Variants in PCDHGB7 observed in about 807,000 individuals in gnomAD.
The protein encoded by PCDHGB7 is protocadherin gamma subfamily B, 7.
A neutral mutation model predicts 61.4 loss-of-function variants in PCDHGB7; 37 were observed. The observed-to-expected ratio is 0.60, with a 90% confidence interval of 0.46 to 0.79. The LOEUF (loss-of-function observed/expected upper bound fraction) is 0.79. Ranked by LOEUF, PCDHGB7 falls within the 30% of genes least tolerant of loss-of-function variation. The probability of loss-of-function intolerance (pLI) is 0.00; values close to 1 mark genes in which losing one functional copy is unlikely to be tolerated. For synonymous variants in PCDHGB7, 464 were observed against 503.5 expected, an observed-to-expected ratio of 0.92 and a Z score of 1.05; for missense variants, 1,166 against 1,202.5, an observed-to-expected ratio of 0.97 and a Z score of 0.45.
intron 1 of PCDHGB7, among the ~76,000 whole-genome samples, chr5:141,474,248 A>G (rs2099346089): frequency 6.6e-6 from 1 of 152,220 alleles, no homozygotes; most frequent in African/African-American, 2.4e-5. Context: ...TAGGGGAAAA[A>G]AAGACTGATA....
rs764482722 is a variant in PCDHGB7 at position 141,432,066 on chromosome 5, C to T, written c.2415+11792C>T. 62 of 1,614,062 alleles carry T rather than the reference C, an allele frequency of 3.8e-5. No individual in the cohort carries two copies. The highest frequency in any genetic ancestry group is 5.2e-5 in the Non-Finnish European group (61 of 1,180,046). On this transcript the variant is annotated intron_variant, in intron 1 of 3. Coordinates refer to ENST00000398594, the MANE Select transcript of PCDHGB7 (RefSeq NM_018927.4). The surrounding 1 kb of genome is among the most constrained non-coding windows in gnomAD (Gnocchi z 6.0). ...GGAACCCCGCCCCTATCCACGGAAA[C>T]TCATATCTCGCTGAACGTGGCAGAC...
chr5:141,491,243 ATGAGGACCC>A lies in PCDHGB7; in HGVS notation c.2416-3557_2416-3549del. 1 of 1,614,200 alleles carries A rather than the reference ATGAGGACCC, an allele frequency of 6.2e-7. No individual in the cohort carries two copies. Among genetic ancestry groups the A allele is most frequent in the African/African-American group, 1.3e-5 (1 of 75,056 alleles). ...GCCACAGTGCTGCTGGTTCTGGAGG[ATGAGGACCC>A]TGAGGAAATGCCCAAATCCAGTGAC... On this transcript the variant is annotated intron_variant, in intron 1 of 3. Coordinates refer to ENST00000398594, the MANE Select transcript of PCDHGB7 (RefSeq NM_018927.4). This position sits in a 1 kb window ranked among gnomAD's most constrained non-coding sequence, Gnocchi z 6.9.
intron 1 of PCDHGB7, among the ~76,000 whole-genome samples, chr5:141,455,138 TTAAA>T (rs1193499111): frequency 1.3e-5 from 2 of 151,028 alleles, no homozygotes; most frequent in Admixed American, 1.3e-4. Context: ...TTACACTGTG[TTAAA>T]TAAATATTAG....
intron 1 of PCDHGB7, among the ~76,000 whole-genome samples, chr5:141,457,015 A>T (rs1216403373): frequency 6.6e-6 from 1 of 152,182 alleles, no homozygotes; most frequent in Admixed American, 6.5e-5. Context: ...AATCCAATAA[A>T]AAGTCCTAGT....
chr5:141,477,221 A>G lies in PCDHGB7; in HGVS notation c.2416-17586A>G, dbSNP rs771608717. 1 of 1,614,178 alleles carries G rather than the reference A, an allele frequency of 6.2e-7. No homozygotes were observed. The highest frequency in any genetic ancestry group is 8.5e-7 in the Non-Finnish European group (1 of 1,180,044). ...AGTACCCGAGGATGCCCCTCTGGGG[A>G]CTGTCATCGCTTTGCTCAGTGTGAC... On this transcript the variant is annotated intron_variant, in intron 1 of 3. Coordinates refer to ENST00000398594, the MANE Select transcript of PCDHGB7 (RefSeq NM_018927.4). This position sits in a 1 kb window ranked among gnomAD's most constrained non-coding sequence, Gnocchi z 4.9.
rs1406362621 is a variant in PCDHGB7, at chr5:141,477,099, G to A, written c.2416-17708G>A. On this transcript the variant is annotated intron_variant, in intron 1 of 3. Transcript: ENST00000398594. This position sits in a 1 kb window ranked among gnomAD's most constrained non-coding sequence, Gnocchi z 4.9. ...ATTTACATCCAGGCCAAAGACAAGG[G>A]CGCCAATCCCGAAGGAGCACATTGC... The A allele has an allele frequency of 6.2e-7, 1 of 1,614,256 alleles. No individual in the cohort carries two copies. Among genetic ancestry groups the A allele is most frequent in the Non-Finnish European group, 8.5e-7 (1 of 1,180,054 alleles).
chr5:141,423,082 G>T (rs1390567548), intron 1 of PCDHGB7: 3 of 1,614,078 alleles, frequency 1.9e-6, no homozygotes, highest in Non-Finnish European at 2.5e-6. Context: ...GGGACTCTTC[G>T]CGGTGGGGGA....
Position 141,489,079 on chromosome 5 carries a change from C to CCCCA in PCDHGB7, c.2416-5727_2416-5726insCCAC. ...CTCCCCTCCCCCCTGCCCACCCCCGCCACTCGGTGACTAAGAACTGCTGCA... is the reference window on the plus strand; with the variant it reads ...CTCCCCTCCCCCCTGCCCACCCCCGCCCCACACTCGGTGACTAAGAACTGCTGCA... On this transcript the variant is annotated intron_variant, in intron 1 of 3. Transcript: ENST00000398594. This position sits in a 1 kb window ranked among gnomAD's most constrained non-coding sequence, Gnocchi z 4.5. The CCCCA allele has an allele frequency of 9.1e-6, 3 of 329,992 alleles. No homozygotes were observed. Among genetic ancestry groups the CCCCA allele is most frequent in the African/African-American group, 2.4e-5 (1 of 41,312 alleles). The allele number at this position is 329,992 out of a possible 1,614,324, so 20.4% of individuals were successfully genotyped here.
In PCDHGB7 at chr5:141,431,628, A is replaced by C. The variant is rs1204083567; in HGVS notation, c.2415+11354A>C. Reference sequence around the variant, plus strand: ...CGGTATGTGGACGACAAGGCGGCCCAAGTTTTCAAACTAGATTGTAATTCA... The same window carrying C: ...CGGTATGTGGACGACAAGGCGGCCCCAGTTTTCAAACTAGATTGTAATTCA... On this transcript the variant is annotated intron_variant, in intron 1 of 3. Coordinates refer to ENST00000398594, the MANE Select transcript of PCDHGB7 (RefSeq NM_018927.4). The surrounding 1 kb of genome is among the most constrained non-coding windows in gnomAD (Gnocchi z 4.8). 1 of 1,614,256 alleles carries C rather than the reference A, an allele frequency of 6.2e-7. No individual in the cohort carries two copies. The highest frequency in any genetic ancestry group is 8.5e-7 in the Non-Finnish European group (1 of 1,180,050).
intron 3 of PCDHGB7, among the ~76,000 whole-genome samples, chr5:141,506,781 T>C (rs965408564): frequency 1.4e-4 from 22 of 152,168 alleles, no homozygotes; most frequent in African/African-American, 5.3e-4. Context: ...CCTGGGCTTA[T>C]AAGGAGGCTG....
At chr5:141,423,750 TGGGGGGGG>T in intron 1 of PCDHGB7, 1 of 287,524 alleles carries the variant, frequency 3.5e-6, no homozygotes, top group Non-Finnish European at 4.5e-6. Flanking sequence ...GAAAACTGTT[TGGGGGGGG>T]GGTGGGGCGG....
Position 141,477,902 on chromosome 5 carries a change from T to A in PCDHGB7, c.2416-16905T>A. ...CCACCTAGTGTCACGGGTGGTAGGC[T>A]GGGACGCGGATGCAGGGCACAATGC... On this transcript the variant is annotated intron_variant, in intron 1 of 3. Transcript: ENST00000398594. The surrounding 1 kb of genome is among the most constrained non-coding windows in gnomAD (Gnocchi z 4.9). The A allele has an allele frequency of 6.2e-7, 1 of 1,614,176 alleles. No homozygotes were observed. Among genetic ancestry groups the A allele is most frequent in the Non-Finnish European group, 8.5e-7 (1 of 1,180,028 alleles).
intron 1 of PCDHGB7, among the ~76,000 whole-genome samples, chr5:141,445,733 T>C (rs1031885468): frequency 6.6e-6 from 1 of 152,186 alleles, no homozygotes; most frequent in Non-Finnish European, 1.5e-5. Context: ...TGTGTAAAGA[T>C]CTTTTTAAAA....
chr5:141,431,609 G>A lies in PCDHGB7; in HGVS notation c.2415+11335G>A. The A allele has an allele frequency of 6.2e-7, 1 of 1,614,232 alleles. No homozygotes were observed. The highest frequency in any genetic ancestry group is 8.5e-7 in the Non-Finnish European group (1 of 1,180,046). On this transcript the variant is annotated intron_variant, in intron 1 of 3. Coordinates refer to ENST00000398594, the MANE Select transcript of PCDHGB7 (RefSeq NM_018927.4). The surrounding 1 kb of genome is among the most constrained non-coding windows in gnomAD (Gnocchi z 4.8). ...GGAAGTGAGGTATTCCTTCCGGTAT[G>A]TGGACGACAAGGCGGCCCAAGTTTT...
chr5:141,469,499 C>T lies in PCDHGB7; in HGVS notation c.2416-25308C>T, dbSNP rs1023274165. Among the ~76,000 whole-genome samples, 22 of 152,128 alleles carry T rather than the reference C, an allele frequency of 1.4e-4. 1 individual carries two copies. The highest frequency in any genetic ancestry group is 3.9e-4 in the African/African-American group (16 of 41,510). On this transcript the variant is annotated intron_variant, in intron 1 of 3. Coordinates refer to ENST00000398594, the MANE Select transcript of PCDHGB7 (RefSeq NM_018927.4). ...CTGAGGCAGGAGAATCGCTTGAACC[C>T]GGGAGGTGGAGGTTGCAGTGAGCCA...
In PCDHGB7 at chr5:141,486,885, G is replaced by C. The variant is rs139638334; in HGVS notation, c.2416-7922G>C. 1.2e-6 allele frequency: 2 copies of C among 1,614,076 alleles called. No individual in the cohort carries two copies. Among genetic ancestry groups the C allele is most frequent in the East Asian group, 4.5e-5 (2 of 44,892 alleles). On this transcript the variant is annotated intron_variant, in intron 1 of 3. Coordinates refer to ENST00000398594, the MANE Select transcript of PCDHGB7 (RefSeq NM_018927.4). This position sits in a 1 kb window ranked among gnomAD's most constrained non-coding sequence, Gnocchi z 5.0. ...CCAGCTGTGCTCCGTCCTCGGGCCC[G>C]GCCTGGTTCCTTATGTCCCCAAGCA...
At chr5:141,466,348 G>A (rs2099120992) in intron 1 of PCDHGB7, among the ~76,000 whole-genome samples, 2 of 151,876 alleles carry the variant, frequency 1.3e-5, no homozygotes, top group Admixed American at 6.6e-5. Context: ...TTTTTTTGCA[G>A]CTAATCTAGA....
intron 2 of PCDHGB7, among the ~76,000 whole-genome samples, chr5:141,504,039 AC>A (rs1396515708): frequency 6.6e-6 from 1 of 152,184 alleles, no homozygotes; most frequent in African/African-American, 2.4e-5. Context: ...CATTTAGGCA[AC>A]AAATATTTAT....
intron 1 of PCDHGB7, among the ~76,000 whole-genome samples, chr5:141,468,994 T>C (rs2099188173): frequency 6.7e-6 from 1 of 148,824 alleles, no homozygotes; most frequent in Non-Finnish European, 1.5e-5. Context: ...ATTATTGTTT[T>C]TGCTGGGTGC....
Sources: gnomAD v4.1 joint callset for allele counts (sites outside exome capture counted in the v4.1 genomes callset) on GRCh38, gnomAD v4.1.1 for gene constraint, Gnocchi (gnomAD v3.1) non-coding constraint, MANE v1.5 for transcripts, NCBI Gene and HGNC (gene_info 2026-07-23, HGNC 2026-07-21) for gene names.